Variants in OXA1L observed in about 807,000 individuals in gnomAD.
The protein encoded by OXA1L is OXA1L mitochondrial inner membrane insertase.
Under a neutral mutation model 52.2 loss-of-function variants are expected in OXA1L, and 42 were observed. The observed-to-expected ratio is 0.80, with a 90% CI of 0.63 to 1.04. The LOEUF is 1.04. Among genes scored for constraint, OXA1L ranks in the 50% least tolerant of loss-of-function variants. The probability of loss-of-function intolerance (pLI) is 0.00; values close to 1 mark genes in which losing one functional copy is unlikely to be tolerated. For missense variants in OXA1L, 572 were observed against 555.0 expected (o/e 1.03, Z -0.31); for synonymous variants, 239 against 201.9 (o/e 1.18, Z -1.56).
In OXA1L at chr14:22,770,898, C is replaced by T. The variant is rs1402165912; in HGVS notation, c.928C>T (p.His310Tyr). ...MPLITLPITM[H>Y]FPTAVFMYWL... ...CCTGATAACCTTGCCCATAACCATG[C>T]ATTTCCCCACGGTATGTAATGCCTT... Residue 310 changes from histidine to tyrosine, a missense_variant, in exon 7 of 10, where the codon CAT (histidine) becomes TAT (tyrosine). His to Tyr is a moderately conservative substitution (Grantham distance 83). Transcript: ENST00000612549. 1 of 1,613,940 alleles carries T rather than the reference C, an allele frequency of 6.2e-7. No homozygotes were observed. The highest frequency in any genetic ancestry group is 2.2e-5 in the East Asian group (1 of 44,892).
In OXA1L at chr14:22,769,096, T is replaced by C. The variant is rs536728122; in HGVS notation, c.440-695T>C. On this transcript the variant is annotated intron_variant, in intron 3 of 9. Transcript: ENST00000612549. The stretch of plus-strand genomic sequence containing the variant: ...CCACCACACCTGGCTAATTTTTACG[T>C]TCTTTATTTAAAAATATGCTATTAT... 8.5e-5 allele frequency among the ~76,000 whole-genome samples: 13 copies of C among 152,104 alleles called. No individual in the cohort carries two copies. In the East Asian group the frequency reaches 2.5e-3, roughly 29 times the overall value.
At chr14:22,768,215 A>C in intron 3 of OXA1L, 44 bp downstream of exon 3, 1 of 1,444,740 alleles carries the variant, frequency 6.9e-7, no homozygotes, top group South Asian at 1.1e-5. Context: ...ATTTAACCTC[A>C]TAGATGGCAA....
Position 22,771,443 on chromosome 14 carries a change from G to C in OXA1L, c.1193G>C (p.Arg398Pro), listed in dbSNP as rs146540822. Residue 398 changes from arginine (R) to proline (P), a missense_variant, in exon 10 of 10, where the codon CGA becomes CCA. By Grantham distance (103) the Arg-to-Pro change is moderately radical (BLOSUM62 -2). Transcript: ENST00000612549. ...QLELAARGPL[R>P]QTFTHNPLLQ... ...TCTCTTCTCCCCTCAGGTCCTTTAC[G>C]ACAGACCTTTACCCACAACCCTCTC... The C allele has an allele frequency of 1.2e-6, 2 of 1,613,954 alleles. No individual in the cohort carries two copies. Among genetic ancestry groups the C allele is most frequent in the South Asian group, 2.2e-5 (2 of 91,062 alleles).
chr14:22,771,687 C>A lies in OXA1L; in HGVS notation c.*129C>A, dbSNP rs962088287. ...CACACAGAGATGTTCATTTTAAAAA[C>A]GGATTTCATGAAACACTCTTGTACT... is the stretch of plus-strand genomic sequence containing the variant. On this transcript the variant is annotated 3_prime_UTR_variant, in exon 10 of 10. Coordinates refer to ENST00000612549, the MANE Select transcript of OXA1L (RefSeq NM_005015.5). 1 of 971,832 alleles carries A rather than the reference C, an allele frequency of 1.0e-6. No individual in the cohort carries two copies. Among genetic ancestry groups the A allele is most frequent in the Non-Finnish European group, 1.6e-6 (1 of 634,790 alleles). 60.2% of individuals were successfully genotyped at this position (971,832 alleles called of 1,614,324 possible).
intron 7 of OXA1L, 41 bp from the exon 8 acceptor site, chr14:22,770,977 G>A: frequency 6.2e-7 from 1 of 1,613,154 alleles, no homozygotes; most frequent in Non-Finnish European, 8.5e-7. Context: ...AAGCTGACCA[G>A]GGATACAGCT....
At chr14:22,768,376 CAAG>C in intron 3 of OXA1L, 1 of 584,260 alleles carries the variant, frequency 1.7e-6, no homozygotes, top group Non-Finnish European at 3.1e-6. Context: ...ATCTGGGATT[CAAG>C]AAGTGTAGAT....
chr14:22,767,209 T>A (rs2038414435), intron 1 of OXA1L, 39 bp from the exon 2 acceptor site: 2 of 1,580,930 alleles, frequency 1.3e-6, no homozygotes, highest in Admixed American at 1.8e-5. Context: ...GGACTTCTGC[T>A]CCCGGTAAAG....
intron 3 of OXA1L, chr14:22,768,980 T>C (rs1245232219): frequency 1.3e-5 from 2 of 152,170 alleles, no homozygotes; most frequent in Non-Finnish European, 2.9e-5. Flanking sequence ...TGGAGTGCAG[T>C]GGTGCAGTCT....
At position 22,766,719 on chromosome 14, in the gene OXA1L, G is replaced by T. The variant is rs116162959; in HGVS notation, c.18G>T (p.Met6Ile). ...CGGGCAAAATGGCGATGGGACTAAT[G>T]TGCGGACGCCGGGAGCTTCTGCGCT... MAMGL[M>I]CGRRELLRLL... The change falls in exon 1 of 10, where the codon ATG becomes ATT. Residue 6 changes from methionine (M) to isoleucine (I), a missense_variant. Met to Ile is a conservative substitution (Grantham distance 10, BLOSUM62 1). This residue lies in a region of OXA1L where 186 missense variants were observed against 151.8 expected (regional missense o/e 1.23). Coordinates refer to ENST00000612549, the MANE Select transcript of OXA1L (RefSeq NM_005015.5). The T allele has an allele frequency of 9.3e-6, 15 of 1,614,282 alleles. No homozygotes were observed. Among genetic ancestry groups the T allele is most frequent in the Middle Eastern group, 1.7e-4 (1 of 6,060 alleles).
rs8786 is a variant in OXA1L, at chr14:22,771,119, T to A, written c.1041T>A (p.Arg347=). 426,032 of 1,613,780 alleles carry A rather than the reference T, an allele frequency of 0.26. 58,822 individuals carry two copies. Among genetic ancestry groups the A allele is most frequent in the South Asian group, 0.36 (32,650 of 91,068 alleles). The part of the protein sequence containing the change: ...AVRTVLKIPQ[R]VVHDLDKLPP... ...GCACTGTACTTAAAATCCCCCAGCG[T>A]GTTGTACATGACCTGGACAAATTAC... is the stretch of plus-strand genomic sequence containing the variant. The change falls in exon 8 of 10, where the codon CGT becomes CGA. Residue 347 remains arginine, a synonymous_variant. Coordinates refer to ENST00000612549, the MANE Select transcript of OXA1L (RefSeq NM_005015.5).
rs1170879762 is a variant in OXA1L at position 22,770,202 on chromosome 14, CT to C, written c.595del (p.Ser199ProfsTer23). The C allele has an allele frequency of 3.7e-6, 6 of 1,607,932 alleles. No homozygotes were observed. The highest frequency in any genetic ancestry group is 5.1e-6 in the Non-Finnish European group (6 of 1,174,486). On this transcript the variant is annotated frameshift_variant, in exon 5 of 10. Coordinates refer to ENST00000612549, the MANE Select transcript of OXA1L (RefSeq NM_005015.5). LOFTEE classifies it high-confidence loss of function. ...LAGDHIEYYK[A>X]SSEMALYQKK... ...TCCCCTCACCTCACAGATTACAAGG[CT>C]TCCTCGGAGATGGCACTTTACCAGA...
Position 22,771,532 on chromosome 14 carries a change from T to C in OXA1L, c.1282T>C (p.Tyr428His). 2.5e-6 allele frequency: 4 copies of C among 1,614,142 alleles called. No homozygotes were observed. Among genetic ancestry groups the C allele is most frequent in the Non-Finnish European group, 1.7e-6 (2 of 1,180,020 alleles). The change falls in exon 10 of 10, where the codon TAT (tyrosine) becomes CAT (histidine). Residue 428 changes from tyrosine (Y) to histidine (H), a missense_variant. Coordinates refer to ENST00000612549, the MANE Select transcript of OXA1L (RefSeq NM_005015.5). Reference protein sequence around the residue: ...PSSSSKPKSKYPWHDTLG With the variant: ...PSSSSKPKSKHPWHDTLG ...CAGCAGCAGCAAACCAAAGTCAAAGTATCCCTGGCACGACACACTTGGCTG... is the reference window on the plus strand; with the variant it reads ...CAGCAGCAGCAAACCAAAGTCAAAGCATCCCTGGCACGACACACTTGGCTG...
Position 22,766,824 on chromosome 14 carries a change from A to G in OXA1L, c.63+60A>G, listed in dbSNP as rs1378960435. The G allele has an allele frequency of 4.4e-6, 7 of 1,604,474 alleles. No homozygotes were observed. In the East Asian group the frequency reaches 1.3e-4, roughly 31 times the overall value. On this transcript the variant is annotated intron_variant, in intron 1 of 9. Coordinates refer to ENST00000612549, the MANE Select transcript of OXA1L (RefSeq NM_005015.5). The stretch of plus-strand genomic sequence containing the variant: ...GCCCTGACCCAGTGAACCAGGCCCC[A>G]GGACAGCTCGTGCTAGGGGTATCAG...
At chr14:22,767,652 T>A in intron 2 of OXA1L, 1 of 513,646 alleles carries the variant, frequency 1.9e-6, no homozygotes, top group South Asian at 3.2e-5. Flanking sequence ...AGCAATTGTT[T>A]CATGTTAATA....
intron 3 of OXA1L, chr14:22,769,049 A>G (rs2038434731): frequency 6.6e-6 from 1 of 152,112 alleles, no homozygotes; most frequent in Admixed American, 6.5e-5. Context: ...CAGCCTCTCA[A>G]GTAGCTGGGA....
Position 22,771,501 on chromosome 14 carries a change from C to T in OXA1L, c.1251C>T (p.Ile417=). 6.4e-7 allele frequency: 1 copy of T among 1,558,262 alleles called. No homozygotes were observed. Among genetic ancestry groups the T allele is most frequent in the Non-Finnish European group, 8.8e-7 (1 of 1,133,410 alleles). ...LQPGKDNPPN[I]PSSSSKPKSK... Reference sequence around the variant, plus strand: ...CTGGAAAGGATAACCCTCCCAATATCCCTAGCAGCAGCAGCAAACCAAAGT... The same window carrying T: ...CTGGAAAGGATAACCCTCCCAATATTCCTAGCAGCAGCAGCAAACCAAAGT... The change falls in exon 10 of 10, where the codon ATC becomes ATT. Residue 417 remains isoleucine (I), a synonymous_variant. Coordinates refer to ENST00000612549, the MANE Select transcript of OXA1L (RefSeq NM_005015.5).
chr14:22,767,528 C>A, intron 2 of OXA1L, 119 bp downstream of exon 2: 1 of 813,864 alleles, frequency 1.2e-6, no homozygotes, highest in Non-Finnish European at 1.9e-6. Flanking sequence ...CTCCACACAG[C>A]TCTCCAAAAT....
intron 1 of OXA1L, 155 bp downstream of exon 1, chr14:22,766,919 G>A: frequency 5.3e-6 from 8 of 1,515,682 alleles, no homozygotes; most frequent in South Asian, 2.5e-5. Flanking sequence ...GCTAGGGTTA[G>A]TCCCCGACAC....
At chr14:22,768,348 T>G in intron 3 of OXA1L, 177 bp downstream of exon 3, 2 of 598,774 alleles carry the variant, frequency 3.3e-6, no homozygotes, top group Non-Finnish European at 6.0e-6. Context: ...TTAAAGAGCA[T>G]TATAAAACCA....
Sources: allele counts gnomAD v4.1 joint callset (sites outside exome capture counted in the v4.1 genomes callset), GRCh38; gene constraint gnomAD v4.1.1; regional missense constraint gnomAD v4.1.1; transcripts MANE v1.5; gene names NCBI Gene and HGNC (gene_info 2026-07-23, HGNC 2026-07-21).